HIVEP3: variants seen among roughly 807,000 people sequenced by gnomAD.
HIVEP3 encodes the protein transcription factor HIVEP3.
Under a neutral mutation model 152.8 loss-of-function variants are expected in HIVEP3, and 49 were observed. The observed-to-expected ratio is 0.32, with a 90% CI of 0.26 to 0.41. The LOEUF (loss-of-function observed/expected upper bound fraction) is 0.41, where lower values mean the gene tolerates loss of function less well. Ranked by LOEUF, HIVEP3 falls within the 10% of genes least tolerant of loss-of-function variation. HIVEP3 has a pLI of 1.00. For missense variants in HIVEP3, 2,790 were observed against 3,103.3 expected, an observed-to-expected ratio of 0.90 and a Z score of 2.40; for synonymous variants, 1,269 against 1,289.0, an observed-to-expected ratio of 0.98 and a Z score of 0.33.
chr1:41,918,120 C>T lies in HIVEP3; in HGVS notation c.-801+293G>A, dbSNP rs529605372. On this transcript the variant is annotated intron_variant, in intron 1 of 8. Coordinates refer to ENST00000372583, the MANE Select transcript of HIVEP3 (RefSeq NM_024503.5). The surrounding 1 kb of genome is among the most constrained non-coding windows in gnomAD (Gnocchi z 4.3). ...TAGGGTTACAGCCCCGCCGCCGCCG[C>T]CGCCGCCGCCGCCTGTGATTGACGC... Among the ~76,000 whole-genome samples the T allele has an allele frequency of 2.6e-3, 401 of 152,190 alleles. 3 individuals carry two copies. Among genetic ancestry groups the T allele is most frequent in the Middle Eastern group, 0.017 (5 of 292 alleles).
intron 5 of HIVEP3, among the ~76,000 whole-genome samples, chr1:41,537,881 T>C (rs898777699): frequency 3.3e-5 from 5 of 152,256 alleles, no homozygotes; most frequent in Admixed American, 2.0e-4. Context: ...ACCAGCACAG[T>C]CTCTGTTCTA....
chr1:42,023,598 G>A (rs1180849205), intron 1 of HIVEP3, among the ~76,000 whole-genome samples: 3 of 152,066 alleles, frequency 2.0e-5, no homozygotes, highest in Admixed American at 2.0e-4. Flanking sequence ...TCTCCTGATA[G>A]TGAGTGAGTT....
At chr1:41,997,232 G>A (rs1371987287) in intron 1 of HIVEP3, among the ~76,000 whole-genome samples, 2 of 152,230 alleles carry the variant, frequency 1.3e-5, no homozygotes, top group African/African-American at 4.8e-5. Context: ...TCAGATTCTA[G>A]AGTAGGGGTC....
intron 1 of HIVEP3, among the ~76,000 whole-genome samples, chr1:41,896,490 T>C (rs1413262315): frequency 1.3e-5 from 2 of 152,128 alleles, no homozygotes; most frequent in Admixed American, 6.5e-5. Flanking sequence ...AGAGCTGAAA[T>C]TCTACTCAAG....
intron 1 of HIVEP3, among the ~76,000 whole-genome samples, chr1:41,750,264 G>GTGTT (rs1215195923): frequency 1.3e-5 from 2 of 152,242 alleles, no homozygotes; most frequent in Non-Finnish European, 2.9e-5. Flanking sequence ...GCACTTGTAA[G>GTGTT]TGTTAGCAGC....
chr1:41,572,383 C>A (rs10749830), intron 5 of HIVEP3, among the ~76,000 whole-genome samples: 33,057 of 152,102 alleles, frequency 0.22, 3,859 homozygotes, highest in East Asian at 0.39. Flanking sequence ...AGGTAGACTG[C>A]TGGGCAGCGT....
chr1:41,730,328 C>T (rs1473129453), intron 1 of HIVEP3, among the ~76,000 whole-genome samples: 3 of 152,228 alleles, frequency 2.0e-5, no homozygotes, highest in African/African-American at 7.2e-5. Context: ...GGTGTCCTCC[C>T]CTGTAGAGCT....
chr1:41,810,298 C>T (rs575365623), intron 1 of HIVEP3, among the ~76,000 whole-genome samples: 1 of 152,334 alleles, frequency 6.6e-6, no homozygotes, highest in East Asian at 1.9e-4. Flanking sequence ...ATAACTAAGT[C>T]ACCTCCACTG....
At chr1:41,684,585 G>C (rs1646087531) in intron 2 of HIVEP3, among the ~76,000 whole-genome samples, 1 of 152,204 alleles carries the variant, frequency 6.6e-6, no homozygotes, top group African/African-American at 2.4e-5. Flanking sequence ...GCTGGGCTCT[G>C]GGGCCTGTTT....
chr1:41,708,291 C>T (rs1646464100), intron 1 of HIVEP3, among the ~76,000 whole-genome samples: 1 of 152,188 alleles, frequency 6.6e-6, no homozygotes, highest in African/African-American at 2.4e-5. Context: ...CTGGGTCAAG[C>T]ATCATGTGCT....
intron 3 of HIVEP3, among the ~76,000 whole-genome samples, chr1:41,607,308 T>C (rs1644835242): frequency 1.3e-5 from 2 of 152,366 alleles, no homozygotes; most frequent in Admixed American, 1.3e-4. Flanking sequence ...TGGGAGGTTT[T>C]CTTGGTTTTA....
intron 7 of HIVEP3, 113 bp from the exon 8 acceptor site, chr1:41,513,863 C>T (rs1040911548): frequency 7.3e-6 from 6 of 817,144 alleles, no homozygotes; most frequent in African/African-American, 3.5e-5. Flanking sequence ...GCAAAATAGC[C>T]ATCGCAAGGG....
At chr1:41,834,362 G>C (rs1643060061) in intron 1 of HIVEP3, among the ~76,000 whole-genome samples, 1 of 152,228 alleles carries the variant, frequency 6.6e-6, no homozygotes. Context: ...CACTGGTGCT[G>C]TTCTGTGGGC....
chr1:41,832,650 A>C (rs918264479), intron 1 of HIVEP3, among the ~76,000 whole-genome samples: 3 of 152,242 alleles, frequency 2.0e-5, no homozygotes, highest in Non-Finnish European at 4.4e-5. Flanking sequence ...TGAGTCTTTG[A>C]GCCAGCACAA....
intron 3 of HIVEP3, among the ~76,000 whole-genome samples, chr1:41,620,133 G>A (rs559910242): frequency 1.3e-5 from 2 of 152,142 alleles, no homozygotes; most frequent in Non-Finnish European, 2.9e-5. Context: ...GCACTGAAAC[G>A]ACCCCAGGGA....
chr1:41,759,867 GA>G (rs1374157027), intron 1 of HIVEP3, among the ~76,000 whole-genome samples: 1 of 152,182 alleles, frequency 6.6e-6, no homozygotes, highest in African/African-American at 2.4e-5. Flanking sequence ...TCTAAATATT[GA>G]ATCAGATAAT....
intron 1 of HIVEP3, among the ~76,000 whole-genome samples, chr1:41,743,977 C>T (rs1488801595): frequency 6.6e-6 from 1 of 152,170 alleles, no homozygotes; most frequent in Non-Finnish European, 1.5e-5. Flanking sequence ...CCTTAGGCAC[C>T]TCCCCTCCTT....
intron 1 of HIVEP3, among the ~76,000 whole-genome samples, chr1:41,816,555 C>T (rs939906241): frequency 9.2e-5 from 14 of 151,906 alleles, no homozygotes; most frequent in Non-Finnish European, 1.6e-4. Flanking sequence ...GGCATGGTGG[C>T]GTAATCCCAG....
chr1:41,895,806 T>C (rs1015574739), intron 1 of HIVEP3, among the ~76,000 whole-genome samples: 1 of 152,066 alleles, frequency 6.6e-6, no homozygotes, highest in Admixed American at 6.5e-5. Context: ...ATTTGCTTTA[T>C]ATTAGGAGAA....
Sources: gnomAD v4.1 joint callset for allele counts (sites outside exome capture counted in the v4.1 genomes callset) on GRCh38, gnomAD v4.1.1 for gene constraint, Gnocchi (gnomAD v3.1) non-coding constraint, MANE v1.5 for transcripts, NCBI Gene and HGNC (gene_info 2026-07-23, HGNC 2026-07-21) for gene names.